Variants in DYM observed in about 807,000 individuals in gnomAD.
DYM encodes dyggve-Melchior-Clausen syndrome protein.
Under a neutral mutation model 93.1 loss-of-function variants are expected in DYM, and 78 were observed. The observed-to-expected ratio is 0.84, with a 90% CI of 0.70 to 1.01. The LOEUF is 1.01. Among genes scored for constraint, DYM ranks in the 50% least tolerant of loss-of-function variants. DYM has a pLI of 0.00. For missense variants in DYM, 789 were observed against 845.0 expected (o/e 0.93, Z 0.82); for synonymous variants, 321 against 319.7 (o/e 1.00, Z -0.04).
chr18:49,140,965 C>T (rs766553608), intron 15 of DYM, among the ~76,000 whole-genome samples: 7 of 152,292 alleles, frequency 4.6e-5, no homozygotes, highest in Non-Finnish European at 7.4e-5. Context: ...CTCAATCTTC[C>T]ATGTATAGTT....
chr18:49,335,963 G>A (rs1327059111), intron 6 of DYM, among the ~76,000 whole-genome samples: 5 of 152,206 alleles, frequency 3.3e-5, no homozygotes, highest in African/African-American at 4.8e-5. Context: ...ACAGGCAGAC[G>A]CCATCATGCC....
intron 8 of DYM, among the ~76,000 whole-genome samples, chr18:49,327,896 A>T (rs951023336): frequency 2.6e-5 from 4 of 152,178 alleles, no homozygotes; most frequent in Non-Finnish European, 5.9e-5. Flanking sequence ...GCTCTGCTGG[A>T]TACTGCAGGG....
At chr18:49,310,709 T>C (rs1166793135) in intron 8 of DYM, among the ~76,000 whole-genome samples, 1 of 152,216 alleles carries the variant, frequency 6.6e-6, no homozygotes, top group Non-Finnish European at 1.5e-5. Context: ...TCTATATTAG[T>C]ACCTTGTTAA....
intron 6 of DYM, among the ~76,000 whole-genome samples, chr18:49,359,556 T>G (rs2065848174): frequency 1.3e-5 from 2 of 152,288 alleles, no homozygotes; most frequent in South Asian, 4.1e-4. Context: ...CCTATTCTCT[T>G]TATAATAAGG....
intron 13 of DYM, among the ~76,000 whole-genome samples, chr18:49,255,985 G>A (rs2094386270): frequency 6.6e-6 from 1 of 150,826 alleles, no homozygotes; most frequent in African/African-American, 2.4e-5. Flanking sequence ...TCGGGAGGCT[G>A]AGGCAGGAGA....
At chr18:49,111,832 A>G (rs2081425387) in intron 16 of DYM, among the ~76,000 whole-genome samples, 1 of 151,930 alleles carries the variant, frequency 6.6e-6, no homozygotes, top group African/African-American at 2.4e-5. Flanking sequence ...CTGTCCTAAG[A>G]CCTCAGTCTT....
At chr18:49,457,054 C>T (rs772687818) in intron 1 of DYM, among the ~76,000 whole-genome samples, 2 of 152,214 alleles carry the variant, frequency 1.3e-5, no homozygotes, top group African/African-American at 2.4e-5. Context: ...AAAGGAAAAG[C>T]AGCAATGGGC....
intron 16 of DYM, among the ~76,000 whole-genome samples, chr18:49,108,600 C>T (rs2081099856): frequency 6.6e-6 from 1 of 152,214 alleles, no homozygotes. Flanking sequence ...AAAGAATATA[C>T]TCTAGGTGAT....
At chr18:49,323,673 C>T (rs1432801735) in intron 8 of DYM, among the ~76,000 whole-genome samples, 3 of 152,212 alleles carry the variant, frequency 2.0e-5, no homozygotes, top group Non-Finnish European at 4.4e-5. Context: ...TCTCCTGGCA[C>T]CTGGATCTCT....
Position 49,378,676 on chromosome 18 carries a change from G to T in DYM, c.312C>A (p.His104Gln). Residue 104 changes from histidine to glutamine, a missense_variant, in exon 5 of 18, where the codon CAC (histidine) becomes CAA (glutamine). His to Gln is a conservative substitution (Grantham distance 24, BLOSUM62 0). Around this residue, in one of 3 missense-constraint regions of DYM, gnomAD observed 450 missense variants for 436.2 expected, o/e 1.03. Transcript: ENST00000675505. Reference sequence around the variant, plus strand: ...AACAGCAAATAATAAACAAAGCATTGTGTGTCTGCCAAATGAAGATGTGGC... The same window carrying T: ...AACAGCAAATAATAAACAAAGCATTTTGTGTCTGCCAAATGAAGATGTGGC... ...CQNHIFIWQT[H>Q]NALFIICCLL... 8 of 1,613,234 alleles carry T rather than the reference G, an allele frequency of 5.0e-6. No individual in the cohort carries two copies. The highest frequency in any genetic ancestry group is 6.8e-6 in the Non-Finnish European group (8 of 1,179,502).
chr18:49,080,258 G>T (rs996361804), intron 17 of DYM, among the ~76,000 whole-genome samples: 1 of 122,980 alleles, frequency 8.1e-6, no homozygotes, highest in Admixed American at 7.6e-5. Context: ...GGGCAGAGGG[G>T]CTCCTCACTT....
Position 49,333,759 on chromosome 18 carries a change from T to A in DYM, c.589A>T (p.Ile197Phe). 1 of 1,614,066 alleles carries A rather than the reference T, an allele frequency of 6.2e-7. No individual in the cohort carries two copies. The highest frequency in any genetic ancestry group is 8.5e-7 in the Non-Finnish European group (1 of 1,179,942). The change falls in exon 7 of 18, where the codon ATC (isoleucine) becomes TTC (phenylalanine). Residue 197 changes from isoleucine (I) to phenylalanine (F), a missense_variant. Physicochemically the swap from Ile to Phe is conservative, Grantham distance 21 (BLOSUM62 0). Around this residue, in one of 3 missense-constraint regions of DYM, gnomAD observed 450 missense variants for 436.2 expected, o/e 1.03. Transcript: ENST00000675505. ...LFHKEVLRQSISHKYLMRGPC... is the reference protein window; with the variant it reads ...LFHKEVLRQSFSHKYLMRGPC... ...CCTCGCATCAAATACTTGTGGCTGA[T>A]GCTCTGTCGCAAAACTTCTTTGTGG...
intron 13 of DYM, among the ~76,000 whole-genome samples, chr18:49,248,524 C>G (rs927322655): frequency 5.9e-5 from 9 of 152,034 alleles, no homozygotes; most frequent in African/African-American, 2.2e-4. Flanking sequence ...GGAAACAGAA[C>G]TGAACCATTC....
chr18:49,307,755 A>G (rs2061354733), intron 8 of DYM, among the ~76,000 whole-genome samples: 1 of 152,258 alleles, frequency 6.6e-6, no homozygotes, highest in African/African-American at 2.4e-5. Context: ...TTCATTAACA[A>G]CATGAAAACT....
chr18:49,259,743 T>TA (rs1485527718), intron 11 of DYM, among the ~76,000 whole-genome samples: 14 of 152,212 alleles, frequency 9.2e-5, no homozygotes, highest in African/African-American at 3.1e-4. Flanking sequence ...AGATTTGTTT[T>TA]AAAAAATAGA....
In DYM at chr18:49,376,650, C is replaced by T. The variant is rs567457045; in HGVS notation, c.421+1917G>A. On this transcript the variant is annotated intron_variant, in intron 5 of 17. Coordinates refer to ENST00000675505, the MANE Select transcript of DYM (RefSeq NM_001353214.3). ...GATGTTTGCCACCTTTCAGTTTTCT[C>T]AAAACCTGCAGAACTTAGTGAGATT... Among the ~76,000 whole-genome samples, 4 of 152,296 alleles carry T rather than the reference C, an allele frequency of 2.6e-5. No homozygotes were observed. In the South Asian group the frequency reaches 6.2e-4, roughly 24 times the overall value.
intron 1 of DYM, among the ~76,000 whole-genome samples, chr18:49,437,648 C>T (rs1490263971): frequency 6.6e-6 from 1 of 152,170 alleles, no homozygotes; most frequent in Non-Finnish European, 1.5e-5. Context: ...TACTGCCTGG[C>T]TGCCTTCTAC....
At chr18:49,114,966 A>C (rs1355208041) in intron 16 of DYM, among the ~76,000 whole-genome samples, 1 of 152,214 alleles carries the variant, frequency 6.6e-6, no homozygotes, top group Non-Finnish European at 1.5e-5. Context: ...GAATGTGTAT[A>C]GTGGTTAGGC....
At chr18:49,117,814 T>C (rs1376896218) in intron 16 of DYM, among the ~76,000 whole-genome samples, 2 of 152,136 alleles carry the variant, frequency 1.3e-5, no homozygotes, top group Non-Finnish European at 2.9e-5. Flanking sequence ...CCTGGCTCCT[T>C]TGTCTTCGTC....
Sources: gnomAD v4.1 joint callset for allele counts (sites outside exome capture counted in the v4.1 genomes callset) on GRCh38, gnomAD v4.1.1 for gene constraint, gnomAD v4.1.1 regional missense constraint, MANE v1.5 for transcripts, NCBI Gene and HGNC (gene_info 2026-07-23, HGNC 2026-07-21) for gene names.